FAM83C: variants seen among roughly 807,000 people sequenced by gnomAD.
FAM83C encodes scaffolding CK1 anchoring protein C.
FAM83C carries 23 observed loss-of-function variants against 27.1 expected under a neutral mutation model. The observed-to-expected ratio is 0.85, with a 90% CI of 0.61 to 1.20. The LOEUF (loss-of-function observed/expected upper bound fraction) is 1.20, where lower values mean the gene tolerates loss of function less well. FAM83C is among the 50% of genes most tolerant of loss of function. The pLI, the probability that FAM83C is intolerant of heterozygous loss-of-function variation, is 0.00. For missense variants in FAM83C, 984 were observed against 1,001.3 expected (o/e 0.98, Z 0.23); for synonymous variants, 426 against 423.1 (o/e 1.01, Z -0.09).
rs538477225 is a variant in FAM83C, at chr20:35,292,082, C to A, written c.223G>T (p.Ala75Ser). Reference sequence around the variant, plus strand: ...CTGGTCATGTAGTCCACATCCAGGGCGCTCAGGAAGGGCAGCTCCCGCTCC... The same window carrying A: ...CTGGTCATGTAGTCCACATCCAGGGAGCTCAGGAAGGGCAGCTCCCGCTCC... ...SEERELPFLS[A>S]LDVDYMTSHV... The change falls in exon 1 of 4, where the codon GCC (alanine) becomes TCC (serine). Residue 75 changes from alanine (A) to serine (S), a missense_variant. Physicochemically the swap from Ala to Ser is moderately conservative, Grantham distance 99 (BLOSUM62 1). Transcript: ENST00000374408. 9.3e-6 allele frequency: 15 copies of A among 1,609,522 alleles called. No homozygotes were observed. The highest frequency in any genetic ancestry group is 1.3e-5 in the African/African-American group (1 of 74,922).
Position 35,286,386 on chromosome 20 carries a change from T to TAC in FAM83C, c.*147_*148dup. The TAC allele has an allele frequency of 1.7e-6, 1 of 575,526 alleles. No homozygotes were observed. Among genetic ancestry groups the TAC allele is most frequent in the Non-Finnish European group, 2.9e-6 (1 of 346,432 alleles). 35.7% of individuals were successfully genotyped at this position (575,526 alleles called of 1,614,324 possible). A position where few individuals can be genotyped will look rare whatever the true frequency, so the allele number is the denominator to read the frequency against. On this transcript the variant is annotated 3_prime_UTR_variant, in exon 4 of 4. Coordinates refer to ENST00000374408, the MANE Select transcript of FAM83C (RefSeq NM_178468.6). ...GTGTGTGTGTGTGTGTGTGTGTGTG[T>TAC]ACACAAGAATCTTGAGCCCAGAGAG...
chr20:35,290,307 C>T (rs2060843315), intron 1 of FAM83C, among the ~76,000 whole-genome samples: 1 of 152,228 alleles, frequency 6.6e-6, no homozygotes, highest in African/African-American at 2.4e-5. Flanking sequence ...TGGCATATAT[C>T]TGCTATGAGA....
rs779328611 is a variant in FAM83C, at chr20:35,287,194, G to A, written c.1585C>T (p.Pro529Ser). The A allele has an allele frequency of 5.6e-6, 9 of 1,610,684 alleles. 1 individual carries two copies. In the South Asian group the frequency reaches 9.9e-5, roughly 18 times the overall value. ...CCAGGCCGAAGGGGGCCTGAGTTGG[G>A]GGTAACCCCAGAGTCAGGGTCTCCC... ...EVGDPDSGVT[P>S]NSGPLRPGEQ... The change falls in exon 4 of 4, where the codon CCC becomes TCC. Residue 529 changes from proline to serine, a missense_variant. Transcript: ENST00000374408.
Position 35,287,376 on chromosome 20 carries a change from TTC to T in FAM83C, c.1401_1402del (p.Asn468TrpfsTer56), listed in dbSNP as rs1200485335. On this transcript the variant is annotated frameshift_variant, in exon 4 of 4. Transcript: ENST00000374408. LOFTEE classifies it low-confidence loss of function (END_TRUNC). Reference sequence around the variant, plus strand: ...GGGCTCTTGGCTTCCTGGGAGCCCATTCTCTGGGAACCGGGACAGAGCTGGGG... The same window carrying T: ...GGGCTCTTGGCTTCCTGGGAGCCCATTCTGGGAACCGGGACAGAGCTGGGG... The T allele has an allele frequency of 1.6e-5, 26 of 1,613,796 alleles. No homozygotes were observed. Among genetic ancestry groups the T allele is most frequent in the Non-Finnish European group, 2.1e-5 (25 of 1,179,932 alleles).
intron 1 of FAM83C, 86 bp downstream of exon 1, chr20:35,291,706 C>T (rs1442798247): frequency 6.4e-6 from 10 of 1,553,506 alleles, no homozygotes; most frequent in Non-Finnish European, 8.8e-6. Context: ...CCCTAAGTCG[C>T]TGTGTGGCCT....
rs757607977 is a variant in FAM83C, at chr20:35,292,046, C to T, written c.259G>A (p.Gly87Arg). Residue 87 changes from glycine (G) to arginine (R), a missense_variant, in exon 1 of 4, where the codon GGG becomes AGG. Coordinates refer to ENST00000374408, the MANE Select transcript of FAM83C (RefSeq NM_178468.6). ...TGAGCCTCGCTGAGCTCAGGGCCCC[C>T]GCGCACATGGCTGGTCATGTAGTCC... ...DVDYMTSHVR[G>R]GPELSEAQGQ... 32 of 1,612,744 alleles carry T rather than the reference C, an allele frequency of 2.0e-5. No homozygotes were observed. The East Asian group carries it at 4.5e-4, about 22-fold the overall frequency.
rs758875891 is a variant in FAM83C, at chr20:35,286,489, G to A, written c.*46C>T. 2.0e-6 allele frequency: 3 copies of A among 1,529,928 alleles called. No individual in the cohort carries two copies. The highest frequency in any genetic ancestry group is 3.9e-5 in the Admixed American group (2 of 51,306). The allele number at this position is 1,529,928 out of a possible 1,614,324, so 94.8% of individuals were successfully genotyped here. ...CAAGTCCAGAGTCTCGGTGGACAGA[G>A]GAGGGGCCTGCCCTTGCCAGTGCAC... On this transcript the variant is annotated 3_prime_UTR_variant, in exon 4 of 4. Coordinates refer to ENST00000374408, the MANE Select transcript of FAM83C (RefSeq NM_178468.6).
Position 35,286,357 on chromosome 20 carries a change from GTGT to G in FAM83C, c.*175_*177del, listed in dbSNP as rs2060824102. ...GATTCAAGAAGATACTAGTTAGGGT[GTGT>G]GTGTGTGTGTGTGTGTGTGTGTGTG... On this transcript the variant is annotated 3_prime_UTR_variant, in exon 4 of 4. Transcript: ENST00000374408. 445 of 452,592 alleles carry G rather than the reference GTGT, an allele frequency of 9.8e-4. 1 individual carries two copies. The highest frequency in any genetic ancestry group is 1.6e-3 in the South Asian group (61 of 37,530). The allele number at this position is 452,592 out of a possible 1,614,324, so 28.0% of individuals were successfully genotyped here. A position where few individuals can be genotyped will look rare whatever the true frequency, so the allele number is the denominator to read the frequency against.
Position 35,287,900 on chromosome 20 carries a change from A to T in FAM83C, c.879T>A (p.Phe293Leu). The T allele has an allele frequency of 6.4e-7, 1 of 1,557,376 alleles. No homozygotes were observed. The highest frequency in any genetic ancestry group is 1.4e-5 in the African/African-American group (1 of 73,462). The change falls in exon 4 of 4, where the codon TTT becomes TTA. Residue 293 changes from phenylalanine to leucine, a missense_variant. Coordinates refer to ENST00000374408, the MANE Select transcript of FAM83C (RefSeq NM_178468.6). ...CGTACAGACAGCGGAACTCCCGGTC[A>T]AAGTCTTCCACGATGCGGCCCCTCA... Reference protein sequence around the residue: ...LQLRGRIVEDFDREFRCLYAE... With the variant: ...LQLRGRIVEDLDREFRCLYAE...
Position 35,286,354 on chromosome 20 carries a change from GGTGTGT to G in FAM83C, c.*175_*180del, listed in dbSNP as rs768786300. On this transcript the variant is annotated 3_prime_UTR_variant, in exon 4 of 4. Coordinates refer to ENST00000374408, the MANE Select transcript of FAM83C (RefSeq NM_178468.6). ...CTAGATTCAAGAAGATACTAGTTAGGGTGTGTGTGTGTGTGTGTGTGTGTGTGTGTG... is the reference window on the plus strand; with the variant it reads ...CTAGATTCAAGAAGATACTAGTTAGGGTGTGTGTGTGTGTGTGTGTGTGTG... 236 of 511,812 alleles carry G rather than the reference GGTGTGT, an allele frequency of 4.6e-4. No homozygotes were observed. The highest frequency in any genetic ancestry group is 1.4e-3 in the East Asian group (45 of 31,142). 31.7% of individuals were successfully genotyped at this position (511,812 alleles called of 1,614,324 possible).
At chr20:35,289,514 T>C (rs1187556590) in intron 1 of FAM83C, among the ~76,000 whole-genome samples, 1 of 152,152 alleles carries the variant, frequency 6.6e-6, no homozygotes, top group Non-Finnish European at 1.5e-5. Context: ...CTAATCTGTA[T>C]TTTTAATAGA....
rs540043277 is a variant in FAM83C, at chr20:35,288,489, A to G, written c.778T>C (p.Cys260Arg). ...TAACTGCCCGCCACCACTTGCTCAC[A>G]GTCAATGAGGACGAACTTCTCCAGG... ...QALEKFVLIDCEQVVAGSYSF... is the reference protein window; with the variant it reads ...QALEKFVLIDREQVVAGSYSF... Residue 260 changes from cysteine to arginine, a missense_variant, in exon 3 of 4, where the codon TGT becomes CGT. Transcript: ENST00000374408. 1 of 1,614,148 alleles carries G rather than the reference A, an allele frequency of 6.2e-7. No homozygotes were observed. The highest frequency in any genetic ancestry group is 2.2e-5 in the East Asian group (1 of 44,886).
rs768645856 is a variant in FAM83C at position 35,292,004 on chromosome 20, C to G, written c.301G>C (p.Gly101Arg). 6.2e-7 allele frequency: 1 copy of G among 1,613,590 alleles called. No individual in the cohort carries two copies. The highest frequency in any genetic ancestry group is 8.5e-7 in the Non-Finnish European group (1 of 1,179,852). ...GAGAGCAGGCTGAGGCGGTCTGGCC[C>G]GGAGGCCTCCTGCCCCTGAGCCTCG... ...LSEAQGQEASGPDRLSLLSEV... is the reference protein window; with the variant it reads ...LSEAQGQEASRPDRLSLLSEV... Residue 101 changes from glycine (G) to arginine (R), a missense_variant, in exon 1 of 4, where the codon GGG (glycine) becomes CGG (arginine). Gly to Arg is a moderately radical substitution (Grantham distance 125). Coordinates refer to ENST00000374408, the MANE Select transcript of FAM83C (RefSeq NM_178468.6).
chr20:35,286,819 G>A lies in FAM83C; in HGVS notation c.1960C>T (p.Leu654Phe). The A allele has an allele frequency of 6.2e-7, 1 of 1,613,988 alleles. No individual in the cohort carries two copies. ...GTGCGAGCAGGGCTTGATATCGGGA[G>A]ACCATTGGGCCCAGGCCCCTCACCA... The part of the protein sequence containing the change: ...FRGEGPGPNG[L>F]PISSPARTAG... Residue 654 changes from leucine to phenylalanine, a missense_variant, in exon 4 of 4, where the codon CTC (leucine) becomes TTC (phenylalanine). Leu to Phe is a conservative substitution (Grantham distance 22). Coordinates refer to ENST00000374408, the MANE Select transcript of FAM83C (RefSeq NM_178468.6).
In FAM83C at chr20:35,287,021, G is replaced by A; in HGVS notation, c.1758C>T (p.Ser586=). The A allele has an allele frequency of 1.9e-6, 3 of 1,607,192 alleles. No homozygotes were observed. Among genetic ancestry groups the A allele is most frequent in the Non-Finnish European group, 2.5e-6 (3 of 1,179,978 alleles). ...GDRALEDRRL[S]LNQSRGQSDL... is the part of the protein sequence containing the mutation. ...CTGATTGGCCACGGCTTTGGTTTAG[G>A]GACAGCCTCCTGTCCTCCAGGGCCC... The change falls in exon 4 of 4, where the codon TCC becomes TCT. Residue 586 remains serine, a synonymous_variant. Transcript: ENST00000374408.
chr20:35,288,812 G>T lies in FAM83C; in HGVS notation c.660C>A (p.Asp220Glu). 3 of 1,613,162 alleles carry T rather than the reference G, an allele frequency of 1.9e-6. No homozygotes were observed. Among genetic ancestry groups the T allele is most frequent in the South Asian group, 2.2e-5 (2 of 90,984 alleles). The change falls in exon 2 of 4, where the codon GAC becomes GAA. Residue 220 changes from aspartate to glutamate, a missense_variant. Coordinates refer to ENST00000374408, the MANE Select transcript of FAM83C (RefSeq NM_178468.6). ...TGACCGGCAGGTGCTCCCCATTGAGGTCCATCTTGTAGCACATCTCCAGGA... is the reference window on the plus strand; with the variant it reads ...TGACCGGCAGGTGCTCCCCATTGAGTTCCATCTTGTAGCACATCTCCAGGA... Reference protein sequence around the residue: ...RHFLEMCYKMDLNGEHLPNMR... With the variant: ...RHFLEMCYKMELNGEHLPNMR...
chr20:35,287,916 C>T lies in FAM83C; in HGVS notation c.863G>A (p.Arg288His), dbSNP rs193920940. 2.6e-5 allele frequency: 40 copies of T among 1,556,172 alleles called. No homozygotes were observed. The East Asian group carries it at 3.1e-4, about 12-fold the overall frequency. ...HTSMVLQLRG[R>H]IVEDFDREFR... The stretch of plus-strand genomic sequence containing the variant: ...CTCCCGGTCAAAGTCTTCCACGATG[C>T]GGCCCCTCAGCTGCAGCACCATGCT... The change falls in exon 4 of 4, where the codon CGC becomes CAC. Residue 288 changes from arginine (R) to histidine (H), a missense_variant. Physicochemically the swap from Arg to His is conservative, Grantham distance 29. Coordinates refer to ENST00000374408, the MANE Select transcript of FAM83C (RefSeq NM_178468.6).
chr20:35,286,799 A>T lies in FAM83C; in HGVS notation c.1980T>A (p.Ala660=), dbSNP rs2060827754. The part of the protein sequence containing the change: ...GPNGLPISSP[A]RTAGAGSGDE... ...CCCCAGACCCAGCTCCAGCCGTGCG[A>T]GCAGGGCTTGATATCGGGAGACCAT... Residue 660 remains alanine, a synonymous_variant, in exon 4 of 4, where the codon GCT becomes GCA. Transcript: ENST00000374408. 1 of 1,613,848 alleles carries T rather than the reference A, an allele frequency of 6.2e-7. No homozygotes were observed. Among genetic ancestry groups the T allele is most frequent in the African/African-American group, 1.3e-5 (1 of 74,842 alleles).
rs2060825239 is a variant in FAM83C, at chr20:35,286,477, T to C, written c.*58A>G. On this transcript the variant is annotated 3_prime_UTR_variant, in exon 4 of 4. Transcript: ENST00000374408. The stretch of plus-strand genomic sequence containing the variant: ...CTGGGACCTGAGCAAGTCCAGAGTC[T>C]CGGTGGACAGAGGAGGGGCCTGCCC... 1 of 1,500,980 alleles carries C rather than the reference T, an allele frequency of 6.7e-7. No individual in the cohort carries two copies. The allele number at this position is 1,500,980 out of a possible 1,614,324, so 93.0% of individuals were successfully genotyped here. A position where few individuals can be genotyped will look rare whatever the true frequency, so the allele number is the denominator to read the frequency against.
Sources: allele counts gnomAD v4.1 joint callset (sites outside exome capture counted in the v4.1 genomes callset), GRCh38; gene constraint gnomAD v4.1.1; transcripts MANE v1.5; gene names NCBI Gene and HGNC (gene_info 2026-07-23, HGNC 2026-07-21).